The following ATP11A variants were observed in gnomAD, a reference collection of about 807,000 sequenced individuals.
ATP11A encodes phospholipid-transporting ATPase IH.
A neutral mutation model predicts 154.4 loss-of-function variants in ATP11A; 81 were observed. The ratio of observed to expected loss-of-function variants is 0.52; its 90% CI spans 0.44 to 0.63. ATP11A has a LOEUF of 0.63. Ranked by LOEUF, ATP11A falls within the 30% of genes least tolerant of loss-of-function variation. The pLI is 0.00. For missense variants in ATP11A, 1,316 were observed against 1,474.3 expected, an observed-to-expected ratio of 0.89 and a Z score of 1.76; for synonymous variants, 623 against 585.9, an observed-to-expected ratio of 1.06 and a Z score of -0.91.
chr13:112,698,486 G>A (rs1311057302), intron 1 of ATP11A, among the ~76,000 whole-genome samples: 1 of 152,218 alleles, frequency 6.6e-6, no homozygotes, highest in African/African-American at 2.4e-5. Flanking sequence ...AGCAGAGCCA[G>A]AGAGCTTTCT....
In ATP11A at chr13:112,878,285, G is replaced by GAGTTT; in HGVS notation, c.3397_3401dup (p.Phe1134LeufsTer28). 6.2e-7 allele frequency: 1 copy of GAGTTT among 1,614,124 alleles called. No homozygotes were observed. The highest frequency in any genetic ancestry group is 8.5e-7 in the Non-Finnish European group (1 of 1,180,034). ...TGCTTTCTCAGACTTCCAGCAGCCT[G>GAGTTT]AGTTTCTGATGGAACAAGGTGATGC... On this transcript the variant is annotated frameshift_variant, in exon 29 of 30. Transcript: ENST00000375645.
Position 112,875,905 on chromosome 13 carries a change from C to T in ATP11A, c.3291C>T (p.Cys1097=). The T allele has an allele frequency of 6.2e-7, 1 of 1,613,014 alleles. No homozygotes were observed. Among genetic ancestry groups the T allele is most frequent in the Non-Finnish European group, 8.5e-7 (1 of 1,180,012 alleles). ...LLPDVLKKVL[C]RQLWPTATER... ...CCGACGTCCTCAAGAAAGTCCTGTGCCGGCAGCTGTGGCCAACAGCAACAG... is the reference window on the plus strand; with the variant it reads ...CCGACGTCCTCAAGAAAGTCCTGTGTCGGCAGCTGTGGCCAACAGCAACAG... The change falls in exon 28 of 30, where the codon TGC becomes TGT. Residue 1097 remains cysteine (C), a synonymous_variant. Transcript: ENST00000375645. This position sits in a 1 kb window ranked among gnomAD's most constrained non-coding sequence, Gnocchi z 4.1.
At position 112,838,083 on chromosome 13, in the gene ATP11A, G is replaced by C. The variant is rs1220888689; in HGVS notation, c.1705+1832G>C. ...ATGGTCATAGGATGAGGAACAATCTGTGTGTGAATGTTGCCAGGACTCCCA... is the reference window on the plus strand; with the variant it reads ...ATGGTCATAGGATGAGGAACAATCTCTGTGTGAATGTTGCCAGGACTCCCA... On this transcript the variant is annotated intron_variant, in intron 16 of 29. Transcript: ENST00000375645. The surrounding 1 kb of genome is among the most constrained non-coding windows in gnomAD (Gnocchi z 7.3). Among the ~76,000 whole-genome samples the C allele has an allele frequency of 6.6e-6, 1 of 152,212 alleles. No individual in the cohort carries two copies. The highest frequency in any genetic ancestry group is 1.5e-5 in the Non-Finnish European group (1 of 68,024).
chr13:112,756,311 C>A (rs998415759), intron 1 of ATP11A, among the ~76,000 whole-genome samples: 1 of 152,186 alleles, frequency 6.6e-6, no homozygotes, highest in Non-Finnish European at 1.5e-5. Flanking sequence ...TCCATCGTTG[C>A]GGTGCCTTCA....
At chr13:112,832,042 CCT>C (rs1566544897) in intron 13 of ATP11A, among the ~76,000 whole-genome samples, 1 of 151,904 alleles carries the variant, frequency 6.6e-6, no homozygotes, top group East Asian at 1.9e-4. Flanking sequence ...TCACACACTC[CCT>C]GACACTGTGT....
intron 1 of ATP11A, among the ~76,000 whole-genome samples, chr13:112,722,520 G>T (rs1376377245): frequency 6.6e-6 from 1 of 152,146 alleles, no homozygotes; most frequent in African/African-American, 2.4e-5. Flanking sequence ...CTGTGCCAGC[G>T]TTTGTGCTGG....
Position 112,785,816 on chromosome 13 carries a change from C to G in ATP11A, c.162+559C>G, listed in dbSNP as rs569169928. 6.6e-6 allele frequency among the ~76,000 whole-genome samples: 1 copy of G among 152,224 alleles called. No homozygotes were observed. The highest frequency in any genetic ancestry group is 1.9e-4 in the East Asian group (1 of 5,176). The stretch of plus-strand genomic sequence containing the variant: ...GGACTAGAGCGTGGAAGTGCACACA[C>G]ATTTCCCACGTTCAGAGAGTGACCT... On this transcript the variant is annotated intron_variant, in intron 2 of 29. Transcript: ENST00000375645. This position sits in a 1 kb window ranked among gnomAD's most constrained non-coding sequence, Gnocchi z 4.8.
chr13:112,807,881 G>GGCTCTGTTT lies in ATP11A; in HGVS notation c.333+1596_333+1597insTGCTCTGTT, dbSNP rs2078367539. 2.0e-5 allele frequency among the ~76,000 whole-genome samples: 3 copies of GGCTCTGTTT among 152,144 alleles called. No individual in the cohort carries two copies. In the South Asian group the frequency reaches 6.2e-4, roughly 32 times the overall value. On this transcript the variant is annotated intron_variant, in intron 4 of 29. Coordinates refer to ENST00000375645, the MANE Select transcript of ATP11A (RefSeq NM_015205.3). The surrounding 1 kb of genome is among the most constrained non-coding windows in gnomAD (Gnocchi z 4.5). The stretch of plus-strand genomic sequence containing the variant: ...GCAGAACAAGGGGCTGAGGCTCTAT[G>GGCTCTGTTT]GCTCTGTTCTTTCCAGCCTGGCCCC...
intron 1 of ATP11A, among the ~76,000 whole-genome samples, chr13:112,743,015 T>C (rs1279870540): frequency 6.6e-6 from 1 of 152,188 alleles, no homozygotes; most frequent in African/African-American, 2.4e-5. Flanking sequence ...AGTAGCACAG[T>C]GTATGACAGC....
intron 1 of ATP11A, among the ~76,000 whole-genome samples, chr13:112,729,267 G>T (rs1449140929): frequency 6.6e-6 from 1 of 152,228 alleles, no homozygotes; most frequent in African/African-American, 2.4e-5. Flanking sequence ...CCTCGTTAAC[G>T]ATTGGATGTT....
chr13:112,709,518 G>A (rs764519872), intron 1 of ATP11A, among the ~76,000 whole-genome samples: 4 of 152,142 alleles, frequency 2.6e-5, no homozygotes, highest in Non-Finnish European at 4.4e-5. Context: ...TCTGAAGTCC[G>A]CTATCTAAGA....
intron 1 of ATP11A, among the ~76,000 whole-genome samples, chr13:112,720,549 G>C (rs1889032384): frequency 6.6e-6 from 1 of 152,066 alleles, no homozygotes; most frequent in Non-Finnish European, 1.5e-5. Flanking sequence ...TCTGGGTAGA[G>C]TCTGTTTGTT....
chr13:112,815,443 C>T (rs1206640759), intron 5 of ATP11A, among the ~76,000 whole-genome samples: 2 of 151,480 alleles, frequency 1.3e-5, no homozygotes, highest in African/African-American at 4.9e-5. Flanking sequence ...TCCAGATCTG[C>T]AATGCCTTCC....
At chr13:112,718,347 G>A (rs1242962911) in intron 1 of ATP11A, among the ~76,000 whole-genome samples, 3 of 152,118 alleles carry the variant, frequency 2.0e-5, no homozygotes, top group African/African-American at 7.2e-5. Context: ...TTTTGTTTGT[G>A]CTCATGAAAT....
At chr13:112,815,213 C>A (rs561030321) in intron 5 of ATP11A, among the ~76,000 whole-genome samples, 37 of 152,262 alleles carry the variant, frequency 2.4e-4, no homozygotes, top group Admixed American at 1.4e-3. Context: ...GGCTTCCTCA[C>A]CCTTCAGACA....
chr13:112,692,004 G>A (rs1197261346), intron 1 of ATP11A, among the ~76,000 whole-genome samples: 1 of 152,136 alleles, frequency 6.6e-6, no homozygotes, highest in Admixed American at 6.5e-5. Context: ...ACTGGTGCTC[G>A]AGCCCCCAGT....
chr13:112,737,617 A>G (rs1477711400), intron 1 of ATP11A, among the ~76,000 whole-genome samples: 3 of 152,334 alleles, frequency 2.0e-5, no homozygotes, highest in East Asian at 3.9e-4. Flanking sequence ...GCCATCAGAC[A>G]GGGAGGTCAC....
At chr13:112,851,298 G>A in intron 18 of ATP11A, 80 bp downstream of exon 18, 2 of 1,458,558 alleles carry the variant, frequency 1.4e-6, no homozygotes, top group South Asian at 2.5e-5. Context: ...AGGGCGAGTG[G>A]ACGGGAGGGA....
At chr13:112,783,503 C>G in intron 1 of ATP11A, among the ~76,000 whole-genome samples, 1 of 152,358 alleles carries the variant, frequency 6.6e-6, no homozygotes, top group East Asian at 1.9e-4. Context: ...CCCGTGCCTG[C>G]GGCGAGGAGT....
Sources: gnomAD v4.1 joint callset for allele counts (sites outside exome capture counted in the v4.1 genomes callset) on GRCh38, gnomAD v4.1.1 for gene constraint, Gnocchi (gnomAD v3.1) non-coding constraint, MANE v1.5 for transcripts, NCBI Gene and HGNC (gene_info 2026-07-23, HGNC 2026-07-21) for gene names.